FHIP1B: variants seen among roughly 807,000 people sequenced by gnomAD.
FHIP1B encodes the protein FHF complex subunit HOOK-interacting protein 1B.
In FHIP1B, 28 loss-of-function variants were observed where a neutral mutation model predicts 82.2. The ratio of observed to expected loss-of-function variants is 0.34; its 90% CI spans 0.25 to 0.47. The LOEUF is 0.47. Among genes scored for constraint, FHIP1B ranks in the 20% least tolerant of loss-of-function variants. FHIP1B has a pLI of 1.00. For missense variants in FHIP1B, 1,110 were observed against 1,262.6 expected (o/e 0.88, Z 1.83); for synonymous variants, 585 against 516.1 (o/e 1.13, Z -1.81).
chr11:6,222,439 T>C lies in FHIP1B; in HGVS notation c.1191+3A>G. The C allele has an allele frequency of 6.2e-7, 1 of 1,613,540 alleles. No homozygotes were observed. Among genetic ancestry groups the C allele is most frequent in the Non-Finnish European group, 8.5e-7 (1 of 1,179,954 alleles). ...TAAGCTAGGACAGGGGTAAGGGCCATACCCGGGAGTTACTGCCAATACGAG... is the reference window on the plus strand; with the variant it reads ...TAAGCTAGGACAGGGGTAAGGGCCACACCCGGGAGTTACTGCCAATACGAG... On this transcript the variant is annotated splice_donor_region_variant and intron_variant, in intron 6 of 11. Transcript: ENST00000449352.
At chr11:6,230,911 G>C (rs768413411) in intron 1 of FHIP1B, among the ~76,000 whole-genome samples, 12 of 152,206 alleles carry the variant, frequency 7.9e-5, no homozygotes, top group Non-Finnish European at 1.5e-4. Flanking sequence ...ATACAGACTA[G>C]GGAGTGGCAC....
chr11:6,232,455 T>TA (rs1028451501), intron 1 of FHIP1B, among the ~76,000 whole-genome samples: 2 of 152,194 alleles, frequency 1.3e-5, no homozygotes, highest in African/African-American at 2.4e-5. Context: ...TACAAATCAT[T>TA]AAAAAATCCT....
intron 1 of FHIP1B, among the ~76,000 whole-genome samples, chr11:6,225,427 A>G (rs147744344): frequency 1.1e-4 from 17 of 152,288 alleles, no homozygotes; most frequent in Non-Finnish European, 2.4e-4. Flanking sequence ...CTATCTAAAT[A>G]GCACATCTTC....
chr11:6,218,603 G>A lies in FHIP1B; in HGVS notation c.1432C>T (p.Arg478Ter), dbSNP rs749427194. 9 of 1,613,906 alleles carry A rather than the reference G, an allele frequency of 5.6e-6. No homozygotes were observed. Among genetic ancestry groups the A allele is most frequent in the East Asian group, 2.2e-5 (1 of 44,866 alleles). Residue 478 changes from arginine to a stop codon, truncating the protein, a stop_gained, in exon 8 of 12, where the codon CGA (arginine) becomes TGA (stop). Coordinates refer to ENST00000449352, the MANE Select transcript of FHIP1B (RefSeq NM_001098794.2). LOFTEE classifies it high-confidence loss of function. ...PPRPEHASWA[R>*]GPGSPSVDSS... ...CCTGTCTCTCTGCTAGGCCCACCTCGTGCCCATGAGGCATGCTCTGGACGA... is the reference window on the plus strand; with the variant it reads ...CCTGTCTCTCTGCTAGGCCCACCTCATGCCCATGAGGCATGCTCTGGACGA...
At chr11:6,226,727 G>A (rs1847574906) in intron 1 of FHIP1B, among the ~76,000 whole-genome samples, 1 of 152,198 alleles carries the variant, frequency 6.6e-6, no homozygotes, top group African/African-American at 2.4e-5. Flanking sequence ...GTAAATGTGG[G>A]TGACGGTTAT....
At position 6,217,694 on chromosome 11, in the gene FHIP1B, G is replaced by A. The variant is rs977431748; in HGVS notation, c.1892C>T (p.Pro631Leu). ...GGAGEGPGHL[P>L]PPQLNGVPGS... Reference sequence around the variant, plus strand: ...TGGCACTCCATTGAGCTGGGGAGGGGGCAGGTGACCAGGGCCCTCCCCTGC... The same window carrying A: ...TGGCACTCCATTGAGCTGGGGAGGGAGCAGGTGACCAGGGCCCTCCCCTGC... The change falls in exon 9 of 12, where the codon CCC (proline) becomes CTC (leucine). Residue 631 changes from proline (P) to leucine (L), a missense_variant. Coordinates refer to ENST00000449352, the MANE Select transcript of FHIP1B (RefSeq NM_001098794.2). 1 of 1,613,262 alleles carries A rather than the reference G, an allele frequency of 6.2e-7. No individual in the cohort carries two copies. The highest frequency in any genetic ancestry group is 8.5e-7 in the Non-Finnish European group (1 of 1,179,708).
Position 6,217,718 on chromosome 11 carries a change from G to GGCCCCC in FHIP1B, c.1867_1868insGGGGGC (p.Ala623delinsGlyGlyPro). 6.2e-7 allele frequency: 1 copy of GGCCCCC among 1,605,754 alleles called. No homozygotes were observed. Among genetic ancestry groups the GGCCCCC allele is most frequent in the Non-Finnish European group, 8.5e-7 (1 of 1,175,478 alleles). On this transcript the variant is annotated protein_altering_variant, in exon 9 of 12. Transcript: ENST00000449352. ...GGGCAGGTGACCAGGGCCCTCCCCT[G>GGCCCCC]CACCCCCAGCCCGCCCCCTCCTCCC...
chr11:6,213,309 TAATG>T (rs1313339258), intron 11 of FHIP1B, among the ~76,000 whole-genome samples: 2 of 152,248 alleles, frequency 1.3e-5, no homozygotes, highest in Non-Finnish European at 2.9e-5. Context: ...GATTAGTAAA[TAATG>T]AATGATGTGA....
chr11:6,214,602 G>C (rs1209338755), intron 10 of FHIP1B, 29 bp from the exon 11 acceptor site: 3 of 1,597,716 alleles, frequency 1.9e-6, no homozygotes, highest in South Asian at 1.1e-5. Context: ...TGACATTTCT[G>C]AGCAGCTCTA....
chr11:6,223,245 G>T lies in FHIP1B; in HGVS notation c.778-7C>A. ...TGAGCCCTGTGGCCAGCACCTATGA[G>T]AAGTTACCAAAAGCTCATATATAAA... On this transcript the variant is annotated splice_polypyrimidine_tract_variant and splice_region_variant and intron_variant, in intron 3 of 11. Transcript: ENST00000449352. The surrounding 1 kb of genome is among the most constrained non-coding windows in gnomAD (Gnocchi z 4.8). The T allele has an allele frequency of 1.3e-6, 2 of 1,582,244 alleles. No individual in the cohort carries two copies. Among genetic ancestry groups the T allele is most frequent in the Middle Eastern group, 1.7e-4 (1 of 5,882 alleles).
chr11:6,213,497 C>T (rs1436067017), intron 11 of FHIP1B, among the ~76,000 whole-genome samples: 1 of 152,216 alleles, frequency 6.6e-6, no homozygotes, highest in Non-Finnish European at 1.5e-5. Flanking sequence ...CTTGCTCCTT[C>T]TGGTATTACG....
rs1457267515 is a variant in FHIP1B, at chr11:6,214,659, C to T, written c.2394+74G>A. 3.2e-6 allele frequency: 5 copies of T among 1,548,688 alleles called. No homozygotes were observed. In the East Asian group the frequency reaches 1.1e-4, roughly 35 times the overall value. On this transcript the variant is annotated intron_variant, in intron 10 of 11. Coordinates refer to ENST00000449352, the MANE Select transcript of FHIP1B (RefSeq NM_001098794.2). ...TCCCACTGGGCCTGTTCCCAGCCCA[C>T]CCAGGGTCACTCCAGCTGCGGGCCT...
intron 1 of FHIP1B, among the ~76,000 whole-genome samples, chr11:6,233,434 A>C (rs1847753227): frequency 6.6e-6 from 1 of 152,220 alleles, no homozygotes; most frequent in Non-Finnish European, 1.5e-5. Context: ...AAGAGGACCT[A>C]AAAGAATGCT....
chr11:6,230,841 T>A (rs325625), intron 1 of FHIP1B, among the ~76,000 whole-genome samples: 3,421 of 152,252 alleles, frequency 0.022, 126 homozygotes, highest in African/African-American at 0.074. Context: ...TTACAAAGAT[T>A]TCAAGGCTCA....
At chr11:6,212,958 C>T (rs1463143864) in intron 11 of FHIP1B, among the ~76,000 whole-genome samples, 2 of 152,168 alleles carry the variant, frequency 1.3e-5, no homozygotes, top group African/African-American at 4.8e-5. Flanking sequence ...AGGAAGCCTC[C>T]TCTGATTTGT....
intron 9 of FHIP1B, 51 bp from the exon 10 acceptor site, chr11:6,214,962 A>G: frequency 6.8e-7 from 1 of 1,461,158 alleles, no homozygotes; most frequent in Non-Finnish European, 9.1e-7. Context: ...AACACAATGC[A>G]CATCGCACGC....
At position 6,214,534 on chromosome 11, in the gene FHIP1B, C is replaced by G. The variant is rs1174936665; in HGVS notation, c.2434G>C (p.Ala812Pro). Reference sequence around the variant, plus strand: ...AGTGCTGGGAAGTCCTCCTGGGAAGCCGCAAAGTTCTCAATCTTATTCTTC... The same window carrying G: ...AGTGCTGGGAAGTCCTCCTGGGAAGGCGCAAAGTTCTCAATCTTATTCTTC... Reference protein sequence around the residue: ...SVKNKIENFAASQEDFPALLS... With the variant: ...SVKNKIENFAPSQEDFPALLS... Residue 812 changes from alanine (A) to proline (P), a missense_variant, in exon 11 of 12, where the codon GCT becomes CCT. Physicochemically the swap from Ala to Pro is conservative, Grantham distance 27. Transcript: ENST00000449352. 6.2e-7 allele frequency: 1 copy of G among 1,613,908 alleles called. No individual in the cohort carries two copies. The highest frequency in any genetic ancestry group is 2.2e-5 in the East Asian group (1 of 44,886).
chr11:6,213,527 G>C (rs917176360), intron 11 of FHIP1B, among the ~76,000 whole-genome samples: 1 of 152,164 alleles, frequency 6.6e-6, no homozygotes, highest in Non-Finnish European at 1.5e-5. Flanking sequence ...TCACTCTCCA[G>C]ATTGTACATT....
chr11:6,226,398 T>C (rs1406763213), intron 1 of FHIP1B, among the ~76,000 whole-genome samples: 1 of 152,154 alleles, frequency 6.6e-6, no homozygotes, highest in East Asian at 1.9e-4. Flanking sequence ...ATAAAAACAG[T>C]TGAGGTAGCA....
Sources: allele counts gnomAD v4.1 joint callset (sites outside exome capture counted in the v4.1 genomes callset), GRCh38; gene constraint gnomAD v4.1.1; non-coding constraint Gnocchi (gnomAD v3.1); transcripts MANE v1.5; gene names NCBI Gene and HGNC (gene_info 2026-07-23, HGNC 2026-07-21).